DRICH1: variants seen among roughly 807,000 people sequenced by gnomAD.
DRICH1 encodes the protein aspartate rich 1, also known as aspartate-rich protein 1.
Under a neutral mutation model 39.5 loss-of-function variants are expected in DRICH1, and 38 were observed. The observed-to-expected ratio is 0.96, with a 90% CI of 0.74 to 1.26. DRICH1 has a LOEUF of 1.26. Ranked by LOEUF, DRICH1 falls within the 50% of genes most tolerant of loss-of-function variation. The pLI, the probability that DRICH1 is intolerant of heterozygous loss-of-function variation, is 0.00. For missense variants in DRICH1, 279 were observed against 270.4 expected (o/e 1.03, Z -0.22); for synonymous variants, 84 against 99.5 (o/e 0.84, Z 0.93).
chr22:23,625,431 A>G (rs1371289723), intron 2 of DRICH1, among the ~76,000 whole-genome samples: 1 of 152,104 alleles, frequency 6.6e-6, no homozygotes, highest in African/African-American at 2.4e-5. Flanking sequence ...GAAATAGGAT[A>G]TGCTGGGCTC....
intron 3 of DRICH1, among the ~76,000 whole-genome samples, chr22:23,622,415 C>G (rs889950619): frequency 1.3e-5 from 2 of 152,082 alleles, no homozygotes; most frequent in African/African-American, 4.8e-5. Context: ...ACAGTCAACC[C>G]CAAATGGAAC....
intron 4 of DRICH1, 117 bp downstream of exon 4, chr22:23,621,974 A>C: frequency 2.2e-6 from 2 of 891,420 alleles, no homozygotes; most frequent in Non-Finnish European, 3.6e-6. Context: ...AGGAAAGAAA[A>C]TCTCACTTTT....
chr22:23,581,881 G>A, the DRICH1 span, among the ~76,000 whole-genome samples: 1 of 151,880 alleles, frequency 6.6e-6, no homozygotes, highest in Non-Finnish European at 1.5e-5. Context: ...TGGGATCACA[G>A]GTGTGAGCCA....
the DRICH1 span, among the ~76,000 whole-genome samples, chr22:23,584,252 T>C: frequency 6.6e-6 from 1 of 152,094 alleles, no homozygotes; most frequent in Non-Finnish European, 1.5e-5. Flanking sequence ...CTTTTTAGGG[T>C]CCCTGGTGCC....
chr22:23,593,983 A>AAAAAAAAAGAAG, the DRICH1 span, among the ~76,000 whole-genome samples: 5 of 151,710 alleles, frequency 3.3e-5, no homozygotes, highest in African/African-American at 1.2e-4. Flanking sequence ...GTCTCAAAAA[A>AAAAAAAAAGAAG]AAAAAAAGAA....
the DRICH1 span, among the ~76,000 whole-genome samples, chr22:23,598,813 A>G: frequency 1.1e-4 from 16 of 152,128 alleles, no homozygotes; most frequent in African/African-American, 3.9e-4. Flanking sequence ...CGCCCTCCAT[A>G]CAAGTGTGTT....
At chr22:23,616,377 A>C (rs1927347900) in intron 8 of DRICH1, among the ~76,000 whole-genome samples, 1 of 152,214 alleles carries the variant, frequency 6.6e-6, no homozygotes. Context: ...AGTACTTCTC[A>C]CCATGATGAC....
chr22:23,618,113 C>CTTTTTTTTT (rs368348650), intron 6 of DRICH1, among the ~76,000 whole-genome samples: 15 of 127,314 alleles, frequency 1.2e-4, no homozygotes, highest in African/African-American at 3.7e-4. Context: ...ATCACACATT[C>CTTTTTTTTT]TTTTTTTTTT....
At chr22:23,590,177 G>A in the DRICH1 span, among the ~76,000 whole-genome samples, 1 of 152,170 alleles carries the variant, frequency 6.6e-6, no homozygotes, top group Non-Finnish European at 1.5e-5. Flanking sequence ...GGCTAGGGGT[G>A]AGGTGATGCC....
At chr22:23,612,494 T>TAAAA (rs1927098490) in intron 11 of DRICH1, among the ~76,000 whole-genome samples, 1 of 122,104 alleles carries the variant, frequency 8.2e-6, no homozygotes, top group African/African-American at 3.3e-5. Context: ...AAAAAAAAAG[T>TAAAA]CTAGAACTTA....
At chr22:23,632,532 A>G (rs562503312), upstream of DRICH1, among the ~76,000 whole-genome samples, 365 of 152,146 alleles carry the variant, frequency 2.4e-3, 3 homozygotes, top group African/African-American at 8.3e-3. Context: ...TATTCACCCT[A>G]TGCTGCCTGA....
chr22:23,631,734 T>A, intron 1 of DRICH1, 82 bp downstream of exon 1: 1 of 1,132,618 alleles, frequency 8.8e-7, no homozygotes, highest in South Asian at 1.3e-5. Flanking sequence ...GCTGAGGATG[T>A]CTCTGGGGAT....
the DRICH1 span, among the ~76,000 whole-genome samples, chr22:23,598,136 C>T: frequency 4.7e-5 from 7 of 149,774 alleles, no homozygotes; most frequent in African/African-American, 1.7e-4. Context: ...TCACCTCAGA[C>T]CTCGCTGTCC....
At chr22:23,629,290 C>T (rs529515682) in intron 1 of DRICH1, among the ~76,000 whole-genome samples, 22 of 152,108 alleles carry the variant, frequency 1.4e-4, no homozygotes, top group Admixed American at 1.2e-3. Flanking sequence ...CCACCCACCT[C>T]GGCCTCCCAA....
chr22:23,632,024 G>T lies in DRICH1; in HGVS notation c.-1C>A, dbSNP rs1221817151. 1 of 1,612,636 alleles carries T rather than the reference G, an allele frequency of 6.2e-7. No individual in the cohort carries two copies. The highest frequency in any genetic ancestry group is 8.5e-7 in the Non-Finnish European group (1 of 1,179,940). On this transcript the variant is annotated 5_prime_UTR_variant, in exon 1 of 12. Coordinates refer to ENST00000317749, the MANE Select transcript of DRICH1 (RefSeq NM_016449.4). ...TACAACAGGTCAGTATATTCCCCAT[G>T]GGGCCTCTCCATGCCTCTCCACTCC...
Position 23,617,452 on chromosome 22 carries a change from G to C in DRICH1, c.519+123C>G, listed in dbSNP as rs78630374. ...GCCTGCTTGTTGGGCCCCCTCTCCTGGGAAATCTCACTTTTACTGTTTTTC... is the reference window on the plus strand; with the variant it reads ...GCCTGCTTGTTGGGCCCCCTCTCCTCGGAAATCTCACTTTTACTGTTTTTC... On this transcript the variant is annotated intron_variant, in intron 7 of 11. Coordinates refer to ENST00000317749, the MANE Select transcript of DRICH1 (RefSeq NM_016449.4). 8,339 of 1,131,120 alleles carry C rather than the reference G, an allele frequency of 7.4e-3. 336 individuals carry two copies. In the African/African-American group the frequency reaches 0.1, roughly 14 times the overall value. The allele number at this position is 1,131,120 out of a possible 1,614,324, so 70.1% of individuals were successfully genotyped here.
At chr22:23,590,531 G>A in the DRICH1 span, among the ~76,000 whole-genome samples, 1 of 152,042 alleles carries the variant, frequency 6.6e-6, no homozygotes, top group South Asian at 2.1e-4. Context: ...TGCCTGCCTT[G>A]GTCTCCCAAA....
intron 1 of DRICH1, chr22:23,630,977 G>A (rs1257412424): frequency 6.6e-6 from 1 of 152,268 alleles, no homozygotes; most frequent in Non-Finnish European, 1.5e-5. Flanking sequence ...CAGGGGGCAG[G>A]GGAAGGGAGA....
chr22:23,582,139 C>G, the DRICH1 span, among the ~76,000 whole-genome samples: 1 of 150,458 alleles, frequency 6.6e-6, no homozygotes, highest in Non-Finnish European at 1.5e-5. Flanking sequence ...ACCACCATGC[C>G]AGCTAATTTT....
Sources: gnomAD v4.1 joint callset for allele counts (sites outside exome capture counted in the v4.1 genomes callset) on GRCh38, gnomAD v4.1.1 for gene constraint, MANE v1.5 for transcripts, NCBI Gene and HGNC (gene_info 2026-07-23, HGNC 2026-07-21) for gene names.